SYT16: variants seen among roughly 807,000 people sequenced by gnomAD.
SYT16 encodes synaptotagmin 16, also known as synaptotagmin-16.
In SYT16, 42 loss-of-function variants were observed where a neutral mutation model predicts 61.4. The observed-to-expected ratio is 0.68, with a 90% CI of 0.53 to 0.89. The LOEUF (loss-of-function observed/expected upper bound fraction) is 0.89, where lower values mean the gene tolerates loss of function less well. SYT16 is among the 40% of genes least tolerant of loss of function. The pLI is 0.00. For synonymous variants in SYT16, 314 were observed against 302.3 expected, an observed-to-expected ratio of 1.04 and a Z score of -0.40; for missense variants, 804 against 807.3, an observed-to-expected ratio of 1.00 and a Z score of 0.05.
intron 1 of SYT16, among the ~76,000 whole-genome samples, chr14:61,939,254 A>G (rs930010827): frequency 6.6e-6 from 1 of 152,216 alleles, no homozygotes; most frequent in African/African-American, 2.4e-5. Context: ...TTCCTGATGG[A>G]TGCATAATCC....
chr14:61,896,921 G>A (rs1270217830), intron 1 of SYT16, among the ~76,000 whole-genome samples: 1 of 152,176 alleles, frequency 6.6e-6, no homozygotes, highest in African/African-American at 2.4e-5. Flanking sequence ...TTAGTTGCTT[G>A]TTAGAACTGA....
chr14:62,090,201 T>C (rs570693627), intron 7 of SYT16, among the ~76,000 whole-genome samples: 14 of 152,370 alleles, frequency 9.2e-5, no homozygotes, highest in Non-Finnish European at 2.1e-4. Context: ...TATGTGTATA[T>C]GTACAGATAT....
At chr14:61,966,489 A>C (rs188742456) in intron 1 of SYT16, among the ~76,000 whole-genome samples, 58 of 152,248 alleles carry the variant, frequency 3.8e-4, no homozygotes, top group Non-Finnish European at 6.3e-4. Flanking sequence ...AAAATAATTA[A>C]AACTTTTTAA....
At chr14:62,045,322 T>C (rs1595250278) in intron 3 of SYT16, among the ~76,000 whole-genome samples, 1 of 152,288 alleles carries the variant, frequency 6.6e-6, no homozygotes, top group East Asian at 1.9e-4. Context: ...AAAAGAGCAG[T>C]CACCTAGTCT....
chr14:62,063,818 C>T (rs1473280005), intron 3 of SYT16, among the ~76,000 whole-genome samples: 1 of 152,166 alleles, frequency 6.6e-6, no homozygotes, highest in East Asian at 1.9e-4. Flanking sequence ...CATTAACTGC[C>T]TGCCAGTGCA....
intron 1 of SYT16, among the ~76,000 whole-genome samples, chr14:61,847,289 C>T (rs2046473082): frequency 6.6e-6 from 1 of 151,990 alleles, no homozygotes; most frequent in South Asian, 2.1e-4. Flanking sequence ...TTTATTTTTC[C>T]TTTATCTTTG....
At chr14:61,824,352 T>A (rs769201355) in intron 1 of SYT16, among the ~76,000 whole-genome samples, 1 of 152,252 alleles carries the variant, frequency 6.6e-6, no homozygotes, top group East Asian at 1.9e-4. Flanking sequence ...CATTTTATTT[T>A]ATTTATTTAT....
At chr14:61,986,832 G>A (rs1367982445) in intron 2 of SYT16, among the ~76,000 whole-genome samples, 1 of 152,128 alleles carries the variant, frequency 6.6e-6, no homozygotes, top group Non-Finnish European at 1.5e-5. Flanking sequence ...TGTAATATTT[G>A]TGTATGTGTA....
intron 1 of SYT16, among the ~76,000 whole-genome samples, chr14:61,906,979 A>G (rs1334794752): frequency 6.6e-6 from 1 of 152,234 alleles, no homozygotes; most frequent in Non-Finnish European, 1.5e-5. Flanking sequence ...ACTGTTTTAA[A>G]TGCCTGTTAT....
chr14:62,043,483 C>A (rs1002234549), intron 3 of SYT16, among the ~76,000 whole-genome samples: 2 of 148,414 alleles, frequency 1.3e-5, no homozygotes, highest in Admixed American at 6.9e-5. Flanking sequence ...TCTCAGCACA[C>A]TGCAAACTCC....
intron 1 of SYT16, among the ~76,000 whole-genome samples, chr14:61,890,168 C>G (rs2048067936): frequency 6.6e-6 from 1 of 152,154 alleles, no homozygotes; most frequent in African/African-American, 2.4e-5. Context: ...TGTGTGGGTA[C>G]ATTGGTGGAA....
intron 1 of SYT16, among the ~76,000 whole-genome samples, chr14:61,815,663 A>G (rs1050744885): frequency 2.0e-5 from 3 of 152,170 alleles, no homozygotes; most frequent in African/African-American, 4.8e-5. Context: ...AGAGGAGAAA[A>G]GGGGAACTCG....
chr14:61,992,522 T>C (rs2140613887), intron 2 of SYT16, among the ~76,000 whole-genome samples: 1 of 152,262 alleles, frequency 6.6e-6, no homozygotes, highest in South Asian at 2.1e-4. Context: ...CAGTGTCCTT[T>C]TGTACCTCTA....
chr14:61,981,789 C>T (rs2052089754), intron 2 of SYT16, among the ~76,000 whole-genome samples: 1 of 152,130 alleles, frequency 6.6e-6, no homozygotes, highest in Non-Finnish European at 1.5e-5. Flanking sequence ...TGCACGTTTA[C>T]AGTTGGAATA....
At chr14:61,945,683 G>T (rs560671163) in intron 1 of SYT16, among the ~76,000 whole-genome samples, 1 of 151,592 alleles carries the variant, frequency 6.6e-6, no homozygotes, top group Admixed American at 6.6e-5. Flanking sequence ...GTGAAACCCC[G>T]TCTCTACTAA....
chr14:61,862,852 T>C (rs2047007275), intron 1 of SYT16, among the ~76,000 whole-genome samples: 1 of 152,250 alleles, frequency 6.6e-6, no homozygotes, highest in Non-Finnish European at 1.5e-5. Flanking sequence ...CATAATGTCA[T>C]ATGGTTGGAA....
At position 61,956,406 on chromosome 14, in the gene SYT16, C is replaced by T. The variant is rs562415222; in HGVS notation, c.-324-13726C>T. ...CAGTGTTTAGCAGCTTTTAAAACTACGTTTTCTTCTAAAAGTGTTATTGTT... is the reference window on the plus strand; with the variant it reads ...CAGTGTTTAGCAGCTTTTAAAACTATGTTTTCTTCTAAAAGTGTTATTGTT... On this transcript the variant is annotated intron_variant, in intron 1 of 7. Transcript: ENST00000683842. Among the ~76,000 whole-genome samples the T allele has an allele frequency of 3.1e-4, 47 of 151,944 alleles. No homozygotes were observed. The South Asian group carries it at 6.2e-3, about 20-fold the overall frequency.
At chr14:62,039,873 A>ACACACACG (rs1355294760) in intron 3 of SYT16, among the ~76,000 whole-genome samples, 32 of 110,216 alleles carry the variant, frequency 2.9e-4, no homozygotes, top group African/African-American at 9.5e-4. Context: ...ACACACACAC[A>ACACACACG]CACACGCACA....
chr14:62,058,116 T>G (rs112380615), intron 3 of SYT16, among the ~76,000 whole-genome samples: 232 of 152,284 alleles, frequency 1.5e-3, no homozygotes, highest in African/African-American at 5.5e-3. Context: ...AGTTCCTTCC[T>G]TTTGATTTCT....
Sources: allele counts gnomAD v4.1 joint callset (sites outside exome capture counted in the v4.1 genomes callset), GRCh38; gene constraint gnomAD v4.1.1; transcripts MANE v1.5; gene names NCBI Gene and HGNC (gene_info 2026-07-23, HGNC 2026-07-21).